The following KLF8 variants were observed in gnomAD, a reference collection of about 807,000 sequenced individuals.
KLF8 encodes the protein KLF transcription factor 8, also known as Krueppel-like factor 8.
KLF8 carries 10 observed loss-of-function variants against 18.2 expected under a neutral mutation model. That is an observed-to-expected ratio of 0.55 (90% CI 0.34 to 0.93). The LOEUF (loss-of-function observed/expected upper bound fraction) is 0.93, where lower values mean the gene tolerates loss of function less well. KLF8 is among the 40% of genes least tolerant of loss of function. The pLI is 0.02. For missense variants in KLF8, 264 were observed against 277.9 expected, an observed-to-expected ratio of 0.95 and a Z score of 0.36; for synonymous variants, 109 against 97.3, an observed-to-expected ratio of 1.12 and a Z score of -0.71.
chrX:56,193,425 A>G, the KLF8 span, among the ~76,000 whole-genome samples: 58,565 of 110,397 alleles, frequency 0.53, 13,835 homozygotes, highest in Non-Finnish European at 0.74. Context: ...TCCTCAAAAA[A>G]TAAAAATAGT....
the KLF8 span, among the ~76,000 whole-genome samples, chrX:56,218,964 A>C: frequency 1.8e-5 from 2 of 112,334 alleles, no homozygotes; most frequent in East Asian, 5.5e-4. Context: ...GAATTATCAA[A>C]AATAGTGTCT....
chrX:56,079,208 T>C, the KLF8 span, among the ~76,000 whole-genome samples: 20 of 111,569 alleles, frequency 1.8e-4, 1 homozygote, highest in South Asian at 7.6e-3. Context: ...TTGCTCTTGC[T>C]TGTCTAGTCG....
Position 56,291,329 on chromosome X carries a change from A to G in KLF8, c.*6835A>G, listed in dbSNP as rs1049411617. Among the ~76,000 whole-genome samples the G allele has an allele frequency of 1.8e-5, 2 of 111,149 alleles. No individual in the cohort carries two copies. The highest frequency in any genetic ancestry group is 6.5e-5 in the African/African-American group (2 of 30,571). ...GGCTTTGAGGCTAGAATCATGAGCAATCTCTCATAAACAAGTCTGTTATGC... is the reference window on the plus strand; with the variant it reads ...GGCTTTGAGGCTAGAATCATGAGCAGTCTCTCATAAACAAGTCTGTTATGC... On this transcript the variant is annotated 3_prime_UTR_variant, in exon 6 of 6. Coordinates refer to ENST00000468660, the MANE Select transcript of KLF8 (RefSeq NM_007250.5).
the KLF8 span, among the ~76,000 whole-genome samples, chrX:56,082,103 T>A: frequency 3.6e-5 from 4 of 111,655 alleles, no homozygotes; most frequent in African/African-American, 1.3e-4. Flanking sequence ...TGTTTAGAAG[T>A]TTTAAATTAC....
chrX:55,990,920 G>A, the KLF8 span, among the ~76,000 whole-genome samples: 3 of 112,367 alleles, frequency 2.7e-5, no homozygotes. Context: ...ATTGGGGGAT[G>A]CCTCCCAATT....
chrX:55,968,044 G>A, the KLF8 span, among the ~76,000 whole-genome samples: 1 of 111,587 alleles, frequency 9.0e-6, no homozygotes, highest in Admixed American at 9.5e-5. Context: ...AAAGTGAGAA[G>A]CAAGAAATTA....
the KLF8 span, among the ~76,000 whole-genome samples, chrX:56,146,692 C>T: frequency 1.1e-5 from 1 of 89,633 alleles, no homozygotes; most frequent in African/African-American, 4.3e-5. Flanking sequence ...TGCACATATA[C>T]CCCAGAACTT....
At chrX:56,137,017 C>T in the KLF8 span, among the ~76,000 whole-genome samples, 22 of 111,910 alleles carry the variant, frequency 2.0e-4, no homozygotes, top group East Asian at 5.6e-3. Context: ...CTCATCATCA[C>T]TGGCCATCAG....
the KLF8 span, among the ~76,000 whole-genome samples, chrX:56,151,006 G>A: frequency 9.0e-6 from 1 of 111,597 alleles, no homozygotes; most frequent in East Asian, 2.8e-4. Context: ...AACCAGGACA[G>A]AGCAGCATTC....
chrX:56,043,987 G>A, the KLF8 span, among the ~76,000 whole-genome samples: 1 of 111,276 alleles, frequency 9.0e-6, no homozygotes, highest in African/African-American at 3.3e-5. Flanking sequence ...AGGTTTTTGT[G>A]GGTTCTTTTT....
the KLF8 span, among the ~76,000 whole-genome samples, chrX:56,201,551 A>G: frequency 9.0e-6 from 1 of 111,605 alleles, no homozygotes; most frequent in African/African-American, 3.3e-5. Context: ...GCTTATACTT[A>G]TCAGTACTGT....
At chrX:56,161,816 G>A in the KLF8 span, among the ~76,000 whole-genome samples, 1 of 111,972 alleles carries the variant, frequency 8.9e-6, no homozygotes, top group African/African-American at 3.2e-5. Flanking sequence ...CTGGTGACGA[G>A]CTGCATTCCT....
At chrX:56,279,362 T>C (rs1027547207) in intron 5 of KLF8, among the ~76,000 whole-genome samples, 1 of 111,698 alleles carries the variant, frequency 9.0e-6, no homozygotes, top group Non-Finnish European at 1.9e-5. Flanking sequence ...TTTTGTTACA[T>C]GGATATGATA....
the KLF8 span, among the ~76,000 whole-genome samples, chrX:56,146,867 C>T: frequency 3.3e-4 from 37 of 111,701 alleles, no homozygotes; most frequent in African/African-American, 1.1e-3. Context: ...TATTTTCTTT[C>T]GTTATATGAA....
chrX:56,111,225 G>A, the KLF8 span, among the ~76,000 whole-genome samples: 1 of 112,194 alleles, frequency 8.9e-6, no homozygotes, highest in South Asian at 3.7e-4. Context: ...TATGTGTGAT[G>A]CATTATTGCA....
the KLF8 span, among the ~76,000 whole-genome samples, chrX:56,036,582 C>A: frequency 8.9e-6 from 1 of 112,134 alleles, no homozygotes; most frequent in Non-Finnish European, 1.9e-5. Flanking sequence ...ATTACCACGA[C>A]TTTGTAGTAT....
the KLF8 span, among the ~76,000 whole-genome samples, chrX:55,929,266 A>G: frequency 1.8e-5 from 2 of 110,130 alleles, no homozygotes; most frequent in Non-Finnish European, 3.8e-5. Context: ...TCTGGATATT[A>G]GCCGTTTGTC....
chrX:56,021,061 C>T, the KLF8 span, among the ~76,000 whole-genome samples: 1 of 112,404 alleles, frequency 8.9e-6, no homozygotes, highest in Non-Finnish European at 1.9e-5. Flanking sequence ...TATACATGCA[C>T]AGCTCAGCAA....
the KLF8 span, among the ~76,000 whole-genome samples, chrX:56,171,977 A>G: frequency 8.9e-6 from 1 of 111,733 alleles, no homozygotes; most frequent in Non-Finnish European, 1.9e-5. Context: ...GAACTAGTTT[A>G]CAGTCCCACC....
Sources: gnomAD v4.1 joint callset for allele counts (sites outside exome capture counted in the v4.1 genomes callset) on GRCh38, gnomAD v4.1.1 for gene constraint, MANE v1.5 for transcripts, NCBI Gene and HGNC (gene_info 2026-07-23, HGNC 2026-07-21) for gene names.